SEMA5B: variants seen among roughly 807,000 people sequenced by gnomAD.
SEMA5B encodes semaphorin 5B.
A neutral mutation model predicts 135.0 loss-of-function variants in SEMA5B; 66 were observed. The ratio of observed to expected loss-of-function variants is 0.49; its 90% CI spans 0.40 to 0.60. The LOEUF (loss-of-function observed/expected upper bound fraction) is 0.60. SEMA5B is among the 20% of genes least tolerant of loss of function. The pLI is 0.00. For synonymous variants in SEMA5B, 690 were observed against 639.5 expected, an observed-to-expected ratio of 1.08 and a Z score of -1.19; for missense variants, 1,501 against 1,566.3, an observed-to-expected ratio of 0.96 and a Z score of 0.70.
intron 2 of SEMA5B, among the ~76,000 whole-genome samples, chr3:122,958,569 C>T (rs890440395): frequency 6.6e-6 from 1 of 152,216 alleles, no homozygotes; most frequent in Non-Finnish European, 1.5e-5. Context: ...CTTAGCCCAA[C>T]TCAGCACAAA....
At chr3:122,990,099 C>A (rs1400005564) in intron 1 of SEMA5B, among the ~76,000 whole-genome samples, 6 of 152,166 alleles carry the variant, frequency 3.9e-5, no homozygotes, top group Non-Finnish European at 7.3e-5. Context: ...CAAAGCCCAG[C>A]AGGCTGATTA....
At position 122,915,344 on chromosome 3, in the gene SEMA5B, C is replaced by T. The variant is rs542754054; in HGVS notation, c.1988+96G>A. On this transcript the variant is annotated intron_variant, in intron 14 of 22. Transcript: ENST00000357599. ...AGCACAGCCCTGAAGTGGTTTCTGT[C>T]CCTTAGTGCAAACACCCAAGTGAGG... The T allele has an allele frequency of 7.3e-5, 91 of 1,238,446 alleles. No homozygotes were observed. The South Asian group carries it at 1.2e-3, about 16-fold the overall frequency. 76.7% of individuals were successfully genotyped at this position (1,238,446 alleles called of 1,614,324 possible). A position where few individuals can be genotyped will look rare whatever the true frequency, so the allele number is the denominator to read the frequency against.
intron 5 of SEMA5B, 107 bp from the exon 6 acceptor site, chr3:122,929,165 T>C (rs2107659117): frequency 9.2e-7 from 1 of 1,092,372 alleles, no homozygotes; most frequent in East Asian, 2.5e-5. Flanking sequence ...CATGAAGCTG[T>C]GAAGGAGGGC....
intron 1 of SEMA5B, among the ~76,000 whole-genome samples, chr3:122,969,820 A>C (rs370755931): frequency 6.7e-4 from 102 of 152,264 alleles, no homozygotes; most frequent in African/African-American, 2.2e-3. Context: ...GTAGTGGGGA[A>C]TGTAAGAATC....
intron 1 of SEMA5B, among the ~76,000 whole-genome samples, chr3:122,982,224 T>A (rs574643805): frequency 6.6e-6 from 1 of 152,338 alleles, no homozygotes; most frequent in South Asian, 2.1e-4. Context: ...TTTCCTCTAG[T>A]GAGGGCATAG....
intron 8 of SEMA5B, among the ~76,000 whole-genome samples, chr3:122,926,905 C>T (rs1285629723): frequency 6.6e-6 from 1 of 152,228 alleles, no homozygotes; most frequent in Non-Finnish European, 1.5e-5. Context: ...GGGTGCCAGA[C>T]ACCATCCTAA....
At chr3:122,919,192 C>CA (rs1268737708) in intron 12 of SEMA5B, among the ~76,000 whole-genome samples, 2 of 151,676 alleles carry the variant, frequency 1.3e-5, no homozygotes, top group African/African-American at 2.4e-5. Context: ...AGCTTGTGAG[C>CA]AAAAAAATGG....
chr3:122,966,640 C>T (rs1025688827), intron 1 of SEMA5B, among the ~76,000 whole-genome samples: 12 of 150,222 alleles, frequency 8.0e-5, no homozygotes, highest in Non-Finnish European at 1.2e-4. Flanking sequence ...CTGCAAGCTC[C>T]GCCTCCTGGG....
intron 3 of SEMA5B, among the ~76,000 whole-genome samples, chr3:122,944,888 T>G (rs1201527008): frequency 6.6e-6 from 1 of 152,194 alleles, no homozygotes; most frequent in Non-Finnish European, 1.5e-5. Context: ...CAGAGGAACT[T>G]TCATGCCGCT....
chr3:122,921,071 C>T (rs1361851939), intron 12 of SEMA5B, among the ~76,000 whole-genome samples: 1 of 152,172 alleles, frequency 6.6e-6, no homozygotes, highest in Non-Finnish European at 1.5e-5. Flanking sequence ...CGAGCACACC[C>T]CACTGGAGCT....
At chr3:123,027,956 G>C (rs1488522509), upstream of SEMA5B, 1 of 152,194 alleles carries the variant, frequency 6.6e-6, no homozygotes, top group Non-Finnish European at 1.5e-5. Context: ...CGGCTGCTCG[G>C]CCGACTCCCG....
chr3:123,011,239 A>ATTT (rs1344577664), intron 1 of SEMA5B, among the ~76,000 whole-genome samples: 4 of 152,206 alleles, frequency 2.6e-5, no homozygotes, highest in Non-Finnish European at 4.4e-5. Context: ...TGGTTTCCCT[A>ATTT]TTCATGAGAT....
intron 18 of SEMA5B, among the ~76,000 whole-genome samples, 190 bp downstream of exon 18, chr3:122,912,653 G>A (rs994638426): frequency 6.6e-6 from 1 of 151,974 alleles, no homozygotes; most frequent in Non-Finnish European, 1.5e-5. Flanking sequence ...AGTTGAGGCC[G>A]TACTCCACCG....
chr3:122,955,089 C>T (rs901565398), intron 2 of SEMA5B, among the ~76,000 whole-genome samples: 4 of 151,816 alleles, frequency 2.6e-5, no homozygotes, highest in African/African-American at 9.7e-5. Context: ...GGTGTTGAGC[C>T]TACCTGAGTA....
intron 1 of SEMA5B, among the ~76,000 whole-genome samples, chr3:123,016,046 T>G (rs529598451): frequency 8.5e-5 from 13 of 152,140 alleles, no homozygotes; most frequent in Non-Finnish European, 1.6e-4. Flanking sequence ...AACCTGCTCA[T>G]GCTCACAGAA....
intron 1 of SEMA5B, among the ~76,000 whole-genome samples, chr3:123,000,244 C>T (rs1302700448): frequency 1.3e-5 from 2 of 152,086 alleles, no homozygotes; most frequent in Non-Finnish European, 2.9e-5. Context: ...AGGAGCAGCC[C>T]TCCCGAAGGA....
At chr3:122,921,022 A>G (rs925819267) in intron 12 of SEMA5B, among the ~76,000 whole-genome samples, 2 of 152,154 alleles carry the variant, frequency 1.3e-5, no homozygotes, top group Non-Finnish European at 2.9e-5. Flanking sequence ...CACCAAGACC[A>G]TCCAGCTCCT....
rs765920912 is a variant in SEMA5B, at chr3:122,948,645, G to A, written c.189C>T (p.Gly63=). Residue 63 remains glycine, a synonymous_variant, in exon 3 of 23, where the codon GGC becomes GGT. Transcript: ENST00000357599. ...TAEGPIMVLA[G]PLAVSLLLPS... ...GCAGCAACAGCGAGACAGCCAGGGG[G>A]CCTGCAAGCACCATGATAGGCCCCT... The A allele has an allele frequency of 2.5e-6, 4 of 1,613,774 alleles. No homozygotes were observed. Among genetic ancestry groups the A allele is most frequent in the Non-Finnish European group, 3.4e-6 (4 of 1,179,870 alleles).
intron 2 of SEMA5B, among the ~76,000 whole-genome samples, chr3:122,955,508 C>T (rs895645921): frequency 4.6e-5 from 7 of 152,178 alleles, no homozygotes; most frequent in Non-Finnish European, 8.8e-5. Context: ...ATACGTACAA[C>T]CAAATACTCC....
Sources: gnomAD v4.1 joint callset for allele counts (sites outside exome capture counted in the v4.1 genomes callset) on GRCh38, gnomAD v4.1.1 for gene constraint, MANE v1.5 for transcripts, NCBI Gene and HGNC (gene_info 2026-07-23, HGNC 2026-07-21) for gene names.